The following PABIR3 variants were observed in gnomAD, a reference collection of about 807,000 sequenced individuals.
PABIR3 encodes PABIR family member 1.
Under a neutral mutation model 23.1 loss-of-function variants are expected in PABIR3, and 20 were observed. The ratio of observed to expected loss-of-function variants is 0.86; its 90% CI spans 0.61 to 1.26. The LOEUF (loss-of-function observed/expected upper bound fraction) is 1.26. PABIR3 is among the 50% of genes most tolerant of loss of function. PABIR3 has a pLI of 0.00. For missense variants in PABIR3, 189 were observed against 195.4 expected (o/e 0.97, Z 0.20); for synonymous variants, 69 against 68.5 (o/e 1.01, Z -0.04).
chrX:134,832,129 T>C (rs2081810301), intron 4 of PABIR3, among the ~76,000 whole-genome samples: 1 of 109,346 alleles, frequency 9.1e-6, no homozygotes, highest in African/African-American at 3.3e-5. Flanking sequence ...AATACAAAAA[T>C]TAGCCGTGCG....
In PABIR3 at chrX:134,849,240, TA is replaced by T. The variant is rs2082539756; in HGVS notation, c.589+14del. The T allele has an allele frequency of 6.5e-6, 5 of 765,586 alleles. No homozygotes were observed. Among genetic ancestry groups the T allele is most frequent in the Non-Finnish European group, 6.8e-6 (4 of 589,261 alleles). 63.1% of individuals were successfully genotyped at this position (765,586 alleles called of 1,213,427 possible). ...ATTAAAAAGAAAAGGTACTTTTATC[TA>T]ACAGTAGAAGTAAATATAACTTTAA... On this transcript the variant is annotated intron_variant, in intron 9 of 10. Transcript: ENST00000645433.
rs1206340455 is a variant in PABIR3, at chrX:134,845,398, A to G, written c.342A>G (p.Lys114=). ...GTCACTCTTGGGAAGAAGGCTTGAA[A>G]CTGGTATGATATTATAACTTCAGTT... The part of the protein sequence containing the change: ...QISHSWEEGL[K]LNDNGLQKSS... Residue 114 remains lysine (K), a synonymous_variant, in exon 6 of 11, where the codon AAA becomes AAG. Transcript: ENST00000645433. 6 of 1,197,933 alleles carry G rather than the reference A, an allele frequency of 5.0e-6. No individual in the cohort carries two copies. The highest frequency in any genetic ancestry group is 5.6e-6 in the Non-Finnish European group (5 of 888,362).
At chrX:134,797,330 C>T (rs184847391) in intron 1 of PABIR3, 2 of 113,496 alleles carry the variant, frequency 1.8e-5, no homozygotes, top group African/African-American at 3.2e-5. Flanking sequence ...TCCTCGATGG[C>T]ATTGGCCTGG....
At position 134,854,172 on chromosome X, in the gene PABIR3, A is replaced by C; in HGVS notation, c.768A>C (p.Thr256=). Residue 256 remains threonine, a synonymous_variant, in exon 11 of 11, where the codon ACA becomes ACC. Coordinates refer to ENST00000645433, the MANE Select transcript of PABIR3 (RefSeq NM_001388447.1). ...CGTCAGCTGAAATCGGCACTGTCAC[A>C]AACTCTCCTGTGTCACCTTCTGATA... The part of the protein sequence containing the change: ...GNSSAEIGTV[T]NSPVSPSDTG... The C allele has an allele frequency of 2.5e-6, 3 of 1,211,092 alleles. No homozygotes were observed. The highest frequency in any genetic ancestry group is 3.4e-6 in the Non-Finnish European group (3 of 895,077).
intron 4 of PABIR3, among the ~76,000 whole-genome samples, chrX:134,832,224 G>A (rs755177216): frequency 4.6e-5 from 5 of 107,808 alleles, no homozygotes; most frequent in African/African-American, 1.0e-4. Context: ...GCAGTGAGCC[G>A]AGATCGCGCC....
At chrX:134,834,317 T>G (rs2081905302) in intron 4 of PABIR3, 1 of 112,424 alleles carries the variant, frequency 8.9e-6, no homozygotes, top group South Asian at 3.6e-4. Context: ...AAATGTCTTC[T>G]TTTGAGAAGT....
intron 2 of PABIR3, chrX:134,811,204 T>C (rs1454575171): frequency 1.4e-6 from 1 of 706,756 alleles, no homozygotes; most frequent in East Asian, 1.6e-4. Context: ...TCTTGGTTCT[T>C]TATACTCTTT....
intron 2 of PABIR3, 51 bp downstream of exon 2, chrX:134,807,759 C>T (rs2148087936): frequency 9.3e-7 from 1 of 1,074,598 alleles, no homozygotes; most frequent in East Asian, 3.2e-5. Flanking sequence ...AGGAGGTGTT[C>T]GGGAAAGTGA....
At chrX:134,827,319 CT>C (rs2081550184) in intron 3 of PABIR3, among the ~76,000 whole-genome samples, 1 of 111,343 alleles carries the variant, frequency 9.0e-6, no homozygotes. Flanking sequence ...ACTCACTCCT[CT>C]TACTGCCTTT....
chrX:134,799,599 C>G (rs767531420), intron 1 of PABIR3, among the ~76,000 whole-genome samples: 2 of 112,239 alleles, frequency 1.8e-5, no homozygotes, highest in African/African-American at 6.5e-5. Context: ...TCAGGGCTTT[C>G]TGACTTGTCC....
At chrX:134,852,678 T>C (rs2082677754) in intron 9 of PABIR3, 122 bp from the exon 10 acceptor site, 1 of 397,982 alleles carries the variant, frequency 2.5e-6, no homozygotes, top group Non-Finnish European at 4.0e-6. Context: ...CTTAAAATTG[T>C]TTTCTTTGTG....
rs1256915615 is a variant in PABIR3, at chrX:134,849,230, T to C, written c.589+2T>C. The C allele has an allele frequency of 1.2e-6, 1 of 843,312 alleles. No individual in the cohort carries two copies. 69.5% of individuals were successfully genotyped at this position (843,312 alleles called of 1,213,427 possible). ...TCCTTGGACCATTAAAAAGAAAAGG[T>C]ACTTTTATCTAACAGTAGAAGTAAA... On this transcript the variant is annotated splice_donor_variant, in intron 9 of 10. Transcript: ENST00000645433. LOFTEE classifies it high-confidence loss of function.
chrX:134,856,331 G>T (rs1195003985), downstream of PABIR3, among the ~76,000 whole-genome samples: 8 of 110,039 alleles, frequency 7.3e-5, no homozygotes, highest in African/African-American at 2.6e-4. Flanking sequence ...GATTACAGGC[G>T]CATGCCACCA....
At chrX:134,796,454 G>A (rs970521491), upstream of PABIR3, 1 of 359,236 alleles carries the variant, frequency 2.8e-6, no homozygotes, top group Non-Finnish European at 4.9e-6. Flanking sequence ...AGAGGTAGTG[G>A]TGGAAGGTGA....
the PABIR3 span, among the ~76,000 whole-genome samples, chrX:134,864,427 C>T: frequency 8.9e-6 from 1 of 112,100 alleles, no homozygotes; most frequent in African/African-American, 3.2e-5. Context: ...TCCTTTGCCA[C>T]AGAAAATGTC....
chrX:134,839,582 GGC>G (rs1046463246), intron 4 of PABIR3: 3 of 113,156 alleles, frequency 2.7e-5, no homozygotes, highest in Non-Finnish European at 5.4e-5. Context: ...GCCCCCGCCA[GGC>G]CAGCCGCCCC....
Position 134,807,476 on chromosome X carries a change from GC to G in PABIR3, c.-59-63del, listed in dbSNP as rs1168389132. 4 of 1,140,411 alleles carry G rather than the reference GC, an allele frequency of 3.5e-6. No homozygotes were observed. The African/African-American group carries it at 5.4e-5, about 15-fold the overall frequency. 94.0% of individuals were successfully genotyped at this position (1,140,411 alleles called of 1,213,427 possible). A position where few individuals can be genotyped will look rare whatever the true frequency, so the allele number is the denominator to read the frequency against. ...GGTGGGCACCCCTACTCGCCTAAGA[GC>G]TTTCTCCTCTCTTCTCTTTTTCCCC... is the stretch of plus-strand genomic sequence containing the variant. On this transcript the variant is annotated intron_variant, in intron 1 of 10. Transcript: ENST00000645433.
chrX:134,841,333 A>G (rs1459672660), intron 4 of PABIR3, among the ~76,000 whole-genome samples: 1 of 111,289 alleles, frequency 9.0e-6, no homozygotes, highest in Non-Finnish European at 1.9e-5. Context: ...TATTATTTAT[A>G]CTATAGACGA....
intron 4 of PABIR3, among the ~76,000 whole-genome samples, chrX:134,832,087 G>A (rs1343996852): frequency 9.0e-6 from 1 of 110,575 alleles, no homozygotes; most frequent in African/African-American, 3.3e-5. Context: ...AGACCAGTCT[G>A]GCCAACATGG....
Sources: gnomAD v4.1 joint callset for allele counts (sites outside exome capture counted in the v4.1 genomes callset) on GRCh38, gnomAD v4.1.1 for gene constraint, MANE v1.5 for transcripts, NCBI Gene and HGNC (gene_info 2026-07-23, HGNC 2026-07-21) for gene names.